Variants in DOCK9 observed in about 807,000 individuals in gnomAD.
DOCK9 encodes the protein dedicator of cytokinesis protein 9.
DOCK9 carries 89 observed loss-of-function variants against 263.3 expected under a neutral mutation model. The observed-to-expected ratio is 0.34, with a 90% CI of 0.28 to 0.40. DOCK9 has a LOEUF of 0.40. DOCK9 is among the 10% of genes least tolerant of loss of function. The pLI is 1.00. For missense variants in DOCK9, 2,140 were observed against 2,603.4 expected (o/e 0.82, Z 3.87); for synonymous variants, 976 against 973.1 (o/e 1.00, Z -0.06).
chr13:98,881,782 C>A, intron 24 of DOCK9, 110 bp downstream of exon 24: 1 of 1,275,656 alleles, frequency 7.8e-7, no homozygotes, highest in Non-Finnish European at 1.1e-6. Context: ...GGATCAAAGA[C>A]ATTTCTTAAA....
At chr13:98,922,306 G>C (rs2140100563) in intron 5 of DOCK9, among the ~76,000 whole-genome samples, 160 bp from the exon 6 acceptor site, 1 of 152,240 alleles carries the variant, frequency 6.6e-6, no homozygotes, top group Middle Eastern at 3.4e-3. Flanking sequence ...TCACATAAAA[G>C]TCCACTTAGC....
intron 1 of DOCK9, among the ~76,000 whole-genome samples, chr13:99,007,083 C>T (rs942069807): frequency 6.6e-6 from 1 of 151,710 alleles, no homozygotes; most frequent in South Asian, 2.1e-4. Context: ...CAGAGCCAGA[C>T]CCTGTCTCAA....
intron 1 of DOCK9, among the ~76,000 whole-genome samples, chr13:98,970,953 C>A (rs922480524): frequency 1.3e-5 from 2 of 152,114 alleles, no homozygotes; most frequent in African/African-American, 4.8e-5. Flanking sequence ...TTCCAAGATC[C>A]CATTCTGTAG....
intron 15 of DOCK9, among the ~76,000 whole-genome samples, chr13:98,890,947 G>C (rs1256031524): frequency 6.6e-6 from 1 of 152,156 alleles, no homozygotes; most frequent in Admixed American, 6.5e-5. Context: ...AAGAGGTAAT[G>C]GTCAGGAAGG....
intron 1 of DOCK9, among the ~76,000 whole-genome samples, chr13:98,991,097 A>G (rs1310063093): frequency 6.7e-6 from 1 of 149,534 alleles, no homozygotes; most frequent in Non-Finnish European, 1.5e-5. Context: ...TTTGAGATGG[A>G]GTTTCGCTTT....
In DOCK9 at chr13:99,032,798, T is replaced by C. The variant is rs578077830; in HGVS notation, c.129+53425A>G. On this transcript the variant is annotated intron_variant, in intron 1 of 32. Transcript: ENST00000427887. ...TCTGTTTCCAAATATCACAAACTCT[T>C]GTATTTGGCAAACAACAAGAATGTC... 3.3e-5 allele frequency among the ~76,000 whole-genome samples: 5 copies of C among 152,338 alleles called. No individual in the cohort carries two copies. In the South Asian group the frequency reaches 1.0e-3, roughly 32 times the overall value.
intron 1 of DOCK9, among the ~76,000 whole-genome samples, chr13:99,085,488 C>A (rs1191886772): frequency 6.6e-6 from 1 of 152,208 alleles, no homozygotes; most frequent in Non-Finnish European, 1.5e-5. Flanking sequence ...AAAACTTCAT[C>A]TTCCTCACAC....
chr13:98,944,116 A>T (rs1375549073), intron 2 of DOCK9, among the ~76,000 whole-genome samples: 2 of 152,154 alleles, frequency 1.3e-5, no homozygotes, highest in South Asian at 2.1e-4. Context: ...ATGTCAGCTA[A>T]ATGTTATTTT....
In DOCK9 at chr13:98,944,266, G is replaced by A. The variant is rs116188857; in HGVS notation, c.243+11169C>T. Among the ~76,000 whole-genome samples the A allele has an allele frequency of 2.6e-3, 397 of 151,502 alleles. 2 individuals carry two copies. The highest frequency in any genetic ancestry group is 9.2e-3 in the African/African-American group (379 of 41,260). The stretch of plus-strand genomic sequence containing the variant: ...GATGTATACAGGTGGTATTTCATAC[G>A]TGTGTGCTCTCTTTCTTCTAGTTAC... On this transcript the variant is annotated intron_variant, in intron 2 of 52. Coordinates refer to ENST00000682017, the MANE Select transcript of DOCK9 (RefSeq NM_001366683.2).
chr13:98,902,540 A>C (rs1213543494), intron 11 of DOCK9, 49 bp from the exon 12 acceptor site: 1 of 1,557,126 alleles, frequency 6.4e-7, no homozygotes, highest in Non-Finnish European at 8.8e-7. Flanking sequence ...AAACAGGGAC[A>C]AAAGAATGTT....
At chr13:98,832,648 T>C (rs1165967375) in intron 39 of DOCK9, among the ~76,000 whole-genome samples, 1 of 152,216 alleles carries the variant, frequency 6.6e-6, no homozygotes, top group African/African-American at 2.4e-5. Flanking sequence ...GCTAGAGGTG[T>C]GGCCCAGCAA....
Position 98,825,942 on chromosome 13 carries a change from T to G in DOCK9, c.5023+888A>C. The G allele has an allele frequency of 1.3e-6, 2 of 1,540,734 alleles. No individual in the cohort carries two copies. Among genetic ancestry groups the G allele is most frequent in the Non-Finnish European group, 1.8e-6 (2 of 1,141,856 alleles). ...GGGGCGGCTCCCACTGGACTGCTTC[T>G]AAACATGAGGAAATGCATCACCTGA... On this transcript the variant is annotated intron_variant, in intron 44 of 52. Coordinates refer to ENST00000682017, the MANE Select transcript of DOCK9 (RefSeq NM_001366683.2). The surrounding 1 kb of genome is among the most constrained non-coding windows in gnomAD (Gnocchi z 4.1).
At chr13:98,864,525 G>A (rs2093964101) in intron 30 of DOCK9, among the ~76,000 whole-genome samples, 1 of 152,180 alleles carries the variant, frequency 6.6e-6, no homozygotes, top group Admixed American at 6.5e-5. Context: ...CCCTTTAATA[G>A]AAGGGGGAGA....
At chr13:98,831,321 T>C in intron 41 of DOCK9, 27 bp downstream of exon 41, 4 of 1,581,958 alleles carry the variant, frequency 2.5e-6, no homozygotes, top group Non-Finnish European at 3.4e-6. Flanking sequence ...AGAGTAAATC[T>C]GTATTGGAAA....
chr13:98,971,457 C>A (rs2059721727), intron 1 of DOCK9, among the ~76,000 whole-genome samples: 1 of 150,568 alleles, frequency 6.6e-6, no homozygotes, highest in African/African-American at 2.5e-5. Flanking sequence ...CCTGTAGTCC[C>A]AGCACTTTGG....
intron 27 of DOCK9, among the ~76,000 whole-genome samples, chr13:98,871,083 A>T (rs2094173653): frequency 6.6e-6 from 1 of 152,184 alleles, no homozygotes; most frequent in African/African-American, 2.4e-5. Flanking sequence ...GTGTTAGATG[A>T]TAATAAAGAC....
rs2092476820 is a variant in DOCK9 at position 98,825,235 on chromosome 13, C to G, written c.5024-731G>C. Among the ~76,000 whole-genome samples, 1 of 152,214 alleles carries G rather than the reference C, an allele frequency of 6.6e-6. No individual in the cohort carries two copies. The highest frequency in any genetic ancestry group is 1.5e-5 in the Non-Finnish European group (1 of 68,042). Reference sequence around the variant, plus strand: ...TCCTCGTCTTAGAGTCACTGGAAAACAGCTTTAAGTCAGTTGGACCACGTC... The same window carrying G: ...TCCTCGTCTTAGAGTCACTGGAAAAGAGCTTTAAGTCAGTTGGACCACGTC... On this transcript the variant is annotated intron_variant, in intron 44 of 52. Coordinates refer to ENST00000682017, the MANE Select transcript of DOCK9 (RefSeq NM_001366683.2). The surrounding 1 kb of genome is among the most constrained non-coding windows in gnomAD (Gnocchi z 4.1).
At chr13:98,917,228 C>G (rs1928105) in intron 7 of DOCK9, among the ~76,000 whole-genome samples, 86,023 of 152,072 alleles carry the variant, frequency 0.57, 24,646 homozygotes, top group Middle Eastern at 0.61. Context: ...GCAAAACTCT[C>G]TTATAAAACA....
At chr13:98,902,705 T>C (rs937722422) in intron 11 of DOCK9, among the ~76,000 whole-genome samples, 4 of 152,230 alleles carry the variant, frequency 2.6e-5, no homozygotes, top group African/African-American at 9.6e-5. Context: ...TGCTACGTAA[T>C]GTATGTTCCA....
Sources: gnomAD v4.1 joint callset for allele counts (sites outside exome capture counted in the v4.1 genomes callset) on GRCh38, gnomAD v4.1.1 for gene constraint, Gnocchi (gnomAD v3.1) non-coding constraint, MANE v1.5 for transcripts, NCBI Gene and HGNC (gene_info 2026-07-23, HGNC 2026-07-21) for gene names.